Variants in SNTG1 observed in about 807,000 individuals in gnomAD.
The protein encoded by SNTG1 is syntrophin gamma 1.
A neutral mutation model predicts 74.7 loss-of-function variants in SNTG1; 39 were observed. The ratio of observed to expected loss-of-function variants is 0.52; its 90% CI spans 0.40 to 0.68. The LOEUF is 0.68. Ranked by LOEUF, SNTG1 falls within the 30% of genes least tolerant of loss-of-function variation. The probability of loss-of-function intolerance (pLI) is 0.00; values close to 1 mark genes in which losing one functional copy is unlikely to be tolerated. For synonymous variants in SNTG1, 254 were observed against 217.1 expected, an observed-to-expected ratio of 1.17 and a Z score of -1.49; for missense variants, 685 against 609.5, an observed-to-expected ratio of 1.12 and a Z score of -1.30.
chr8:50,701,184 G>T (rs1167819692), intron 15 of SNTG1, among the ~76,000 whole-genome samples: 1 of 152,126 alleles, frequency 6.6e-6, no homozygotes, highest in East Asian at 1.9e-4. Context: ...AATTGGCAAG[G>T]TTTCTGGAAA....
chr8:50,697,849 T>G (rs972885714), intron 15 of SNTG1, among the ~76,000 whole-genome samples: 1 of 152,202 alleles, frequency 6.6e-6, no homozygotes, highest in African/African-American at 2.4e-5. Context: ...AATTTATTGA[T>G]AATTTTTATA....
chr8:50,452,348 C>CTTCT (rs1396748367), intron 8 of SNTG1, among the ~76,000 whole-genome samples: 1 of 152,186 alleles, frequency 6.6e-6, no homozygotes, highest in African/African-American at 2.4e-5. Context: ...AGCACAGAGC[C>CTTCT]TTCTATCTTG....
chr8:50,742,787 C>A (rs559545540), intron 17 of SNTG1, among the ~76,000 whole-genome samples: 1 of 151,526 alleles, frequency 6.6e-6, no homozygotes, highest in Non-Finnish European at 1.5e-5. Context: ...AAGTCTTTAG[C>A]CTGATTGTCT....
At chr8:50,231,919 T>C (rs2085649124) in intron 2 of SNTG1, among the ~76,000 whole-genome samples, 4 of 151,448 alleles carry the variant, frequency 2.6e-5, no homozygotes, top group Admixed American at 2.6e-4. Context: ...ATATGTTATT[T>C]AGCTTAATTT....
intron 18 of SNTG1, among the ~76,000 whole-genome samples, chr8:50,762,145 T>G (rs748532799): frequency 1.1e-4 from 17 of 151,964 alleles, no homozygotes; most frequent in South Asian, 4.1e-4. Context: ...TATACTCACA[T>G]AACCAGTTAT....
chr8:49,915,418 C>T (rs1336676290), intron 1 of SNTG1, among the ~76,000 whole-genome samples: 1 of 152,166 alleles, frequency 6.6e-6, no homozygotes, highest in Non-Finnish European at 1.5e-5. Flanking sequence ...TAACAACTCT[C>T]AGCATAGGGA....
At chr8:49,949,964 TA>T (rs1178716658) in intron 1 of SNTG1, among the ~76,000 whole-genome samples, 2 of 152,246 alleles carry the variant, frequency 1.3e-5, no homozygotes, top group East Asian at 3.9e-4. Context: ...TCATCTCTAA[TA>T]AAGATACAAA....
chr8:50,510,691 GT>G (rs933035162), intron 9 of SNTG1, among the ~76,000 whole-genome samples: 1 of 152,076 alleles, frequency 6.6e-6, no homozygotes, highest in Admixed American at 6.6e-5. Flanking sequence ...AGGTTTTCTA[GT>G]TTTTTTGCGT....
intron 15 of SNTG1, among the ~76,000 whole-genome samples, chr8:50,681,454 A>G (rs1019742100): frequency 1.2e-4 from 19 of 152,172 alleles, no homozygotes; most frequent in African/African-American, 4.6e-4. Flanking sequence ...TCATTAGGGT[A>G]TATGTACACA....
chr8:50,790,437 T>C (rs1016540825), intron 18 of SNTG1, among the ~76,000 whole-genome samples: 12 of 152,030 alleles, frequency 7.9e-5, no homozygotes, highest in Admixed American at 7.9e-4. Flanking sequence ...AACTTGTAAG[T>C]CTGTGACTTG....
At chr8:49,982,770 T>C (rs1301500877) in intron 1 of SNTG1, among the ~76,000 whole-genome samples, 1 of 152,092 alleles carries the variant, frequency 6.6e-6, no homozygotes, top group Non-Finnish European at 1.5e-5. Flanking sequence ...TAGTTTTATT[T>C]TTAGAAAACT....
intron 15 of SNTG1, among the ~76,000 whole-genome samples, chr8:50,688,552 A>C (rs2095363065): frequency 1.3e-5 from 2 of 152,192 alleles, no homozygotes; most frequent in South Asian, 4.1e-4. Flanking sequence ...GGTTTGTCAA[A>C]GATCAGATAA....
At chr8:49,964,399 C>G (rs990568838) in intron 1 of SNTG1, among the ~76,000 whole-genome samples, 13 of 152,300 alleles carry the variant, frequency 8.5e-5, no homozygotes, top group Non-Finnish European at 1.5e-4. Context: ...ATCACATGAG[C>G]CAATACCTTC....
At chr8:50,708,770 G>T in intron 16 of SNTG1, 116 bp from the exon 17 acceptor site, 1 of 602,834 alleles carries the variant, frequency 1.7e-6, no homozygotes. Context: ...TACAATTATT[G>T]TTAATATTAA....
intron 2 of SNTG1, among the ~76,000 whole-genome samples, chr8:50,305,652 T>C (rs2130708233): frequency 6.6e-6 from 1 of 152,114 alleles, no homozygotes; most frequent in East Asian, 1.9e-4. Flanking sequence ...ATGTGTTAGA[T>C]CACTTTGTCT....
intron 4 of SNTG1, among the ~76,000 whole-genome samples, chr8:50,420,672 T>G (rs1428482855): frequency 6.6e-6 from 1 of 152,038 alleles, no homozygotes; most frequent in African/African-American, 2.4e-5. Flanking sequence ...AAGCCAAAAT[T>G]TTAACATTGC....
At chr8:50,294,661 C>T (rs2130597532) in intron 2 of SNTG1, among the ~76,000 whole-genome samples, 1 of 152,318 alleles carries the variant, frequency 6.6e-6, no homozygotes, top group East Asian at 1.9e-4. Flanking sequence ...TATGGCAAAT[C>T]TGCTTTCCCC....
chr8:50,571,012 C>A (rs954229385), intron 12 of SNTG1, among the ~76,000 whole-genome samples: 1 of 152,140 alleles, frequency 6.6e-6, no homozygotes, highest in Non-Finnish European at 1.5e-5. Context: ...TACCCCTTCG[C>A]CAGCATCTGT....
At chr8:50,450,519 A>G in intron 6 of SNTG1, 37 bp from the exon 7 acceptor site, 1 of 1,605,212 alleles carries the variant, frequency 6.2e-7, no homozygotes, top group Non-Finnish European at 8.5e-7. Context: ...TAACAAAAAC[A>G]GTCAATGCAT....
Sources: gnomAD v4.1 joint callset for allele counts (sites outside exome capture counted in the v4.1 genomes callset) on GRCh38, gnomAD v4.1.1 for gene constraint, MANE v1.5 for transcripts, NCBI Gene and HGNC (gene_info 2026-07-23, HGNC 2026-07-21) for gene names.